The following SP100 variants were observed in gnomAD, a reference collection of about 807,000 sequenced individuals.
SP100 encodes the protein nuclear autoantigen Sp-100.
SP100 carries 84 observed loss-of-function variants against 130.0 expected under a neutral mutation model. The observed-to-expected ratio is 0.65, with a 90% CI of 0.54 to 0.77. The LOEUF (loss-of-function observed/expected upper bound fraction) is 0.77, where lower values mean the gene tolerates loss of function less well. Among genes scored for constraint, SP100 ranks in the 30% least tolerant of loss-of-function variants. The pLI is 0.00. For missense variants in SP100, 978 were observed against 1,052.2 expected (o/e 0.93, Z 0.97); for synonymous variants, 331 against 351.7 (o/e 0.94, Z 0.66).
rs756846216 is a variant in SP100 at position 230,450,278 on chromosome 2, A to G, written c.820+23A>G. 1.8e-5 allele frequency: 28 copies of G among 1,572,014 alleles called. 1 individual carries two copies. The Admixed American group carries it at 3.9e-4, about 22-fold the overall frequency. On this transcript the variant is annotated intron_variant, in intron 8 of 28. Coordinates refer to ENST00000340126, the MANE Select transcript of SP100 (RefSeq NM_001080391.2). ...AAAGTAATTATTGCTTACCTTGCCT[A>G]TTTTCTTTCCTTTCTTATTCAGATG...
intron 3 of SP100, 142 bp from the exon 4 acceptor site, chr2:230,444,036 C>G (rs1261385532): frequency 3.2e-6 from 2 of 628,946 alleles, no homozygotes; most frequent in South Asian, 3.0e-5. Flanking sequence ...ACTGGCTATA[C>G]AAATAAGTAA....
chr2:230,428,343 G>A (rs934557978), intron 2 of SP100, among the ~76,000 whole-genome samples: 1 of 152,186 alleles, frequency 6.6e-6, no homozygotes, highest in Non-Finnish European at 1.5e-5. Flanking sequence ...TGGCTGGGGA[G>A]GCCTCAGAAA....
intron 17 of SP100, among the ~76,000 whole-genome samples, chr2:230,476,440 C>T (rs1042104018): frequency 2.6e-5 from 4 of 152,084 alleles, no homozygotes; most frequent in African/African-American, 9.7e-5. Context: ...TTTTTCTACT[C>T]CTTTCATAAG....
intron 24 of SP100, among the ~76,000 whole-genome samples, chr2:230,534,202 T>C (rs1433102221): frequency 6.6e-6 from 1 of 152,152 alleles, no homozygotes; most frequent in Non-Finnish European, 1.5e-5. Context: ...GGTCAGGAGA[T>C]TGAGACCATC....
At chr2:230,459,190 C>T (rs936726976) in intron 8 of SP100, among the ~76,000 whole-genome samples, 4 of 151,798 alleles carry the variant, frequency 2.6e-5, no homozygotes, top group African/African-American at 9.7e-5. Flanking sequence ...GAGGGAGGCA[C>T]AAAGAGAAGT....
chr2:230,439,160 A>G (rs1289441140), intron 2 of SP100, among the ~76,000 whole-genome samples: 1 of 152,050 alleles, frequency 6.6e-6, no homozygotes, highest in Non-Finnish European at 1.5e-5. Flanking sequence ...TCTTTTGAGA[A>G]TTGTCTATTC....
At position 230,542,911 on chromosome 2, in the gene SP100, C is replaced by A; in HGVS notation, c.2623C>A (p.Gln875Lys). The A allele has an allele frequency of 6.2e-7, 1 of 1,607,724 alleles. No homozygotes were observed. The highest frequency in any genetic ancestry group is 8.5e-7 in the Non-Finnish European group (1 of 1,174,300). ...GAATTTCAGAAACATTTTTGCAATT[C>A]AGGAAACAAGCAAGAACATTATAAT... ...EKNFRNIFAI[Q>K]ETSKNIIMFI is the part of the protein sequence containing the mutation. Residue 875 changes from glutamine to lysine, a missense_variant, in exon 29 of 29, where the codon CAG becomes AAG. Transcript: ENST00000340126.
chr2:230,422,883 G>A (rs976770538), intron 2 of SP100, among the ~76,000 whole-genome samples: 4 of 151,972 alleles, frequency 2.6e-5, no homozygotes, highest in Non-Finnish European at 5.9e-5. Context: ...TTTTGTTGTG[G>A]GATTTTACCT....
At chr2:230,535,855 C>T (rs1691911839) in intron 24 of SP100, among the ~76,000 whole-genome samples, 1 of 121,028 alleles carries the variant, frequency 8.3e-6, no homozygotes, top group Non-Finnish European at 1.6e-5. Flanking sequence ...TGCAGGGAGC[C>T]AAGATCATGC....
At chr2:230,450,002 G>A (rs1575628014) in intron 7 of SP100, among the ~76,000 whole-genome samples, 170 bp from the exon 8 acceptor site, 1 of 152,210 alleles carries the variant, frequency 6.6e-6, no homozygotes, top group Non-Finnish European at 1.5e-5. Context: ...GTAAGAGAGA[G>A]ATTGGACAGG....
intron 24 of SP100, among the ~76,000 whole-genome samples, chr2:230,527,959 G>A (rs944269215): frequency 3.3e-5 from 5 of 152,162 alleles, no homozygotes; most frequent in Non-Finnish European, 2.9e-5. Flanking sequence ...AAGAGACTGA[G>A]ACTCCCACAC....
At chr2:230,537,833 A>G (rs1692006685) in intron 24 of SP100, 1 of 152,256 alleles carries the variant, frequency 6.6e-6, no homozygotes, top group South Asian at 2.1e-4. Context: ...AGTGCAATAC[A>G]GTTCGATCAC....
chr2:230,481,263 C>T (rs2065821370), intron 17 of SP100, among the ~76,000 whole-genome samples: 1 of 152,130 alleles, frequency 6.6e-6, no homozygotes, highest in Non-Finnish European at 1.5e-5. Context: ...CAACTTCTTA[C>T]TCCAAACTTC....
chr2:230,504,839 A>G (rs1036431220), intron 21 of SP100, among the ~76,000 whole-genome samples: 2 of 152,236 alleles, frequency 1.3e-5, no homozygotes, highest in Admixed American at 6.5e-5. Flanking sequence ...TCTGAAAATA[A>G]TACATCAGGA....
intron 5 of SP100, 55 bp downstream of exon 5, chr2:230,446,957 C>A: frequency 9.7e-7 from 1 of 1,032,566 alleles, no homozygotes; most frequent in Non-Finnish European, 1.5e-6. Flanking sequence ...ATCCAAGGTT[C>A]TGAGTGGAGA....
intron 8 of SP100, 70 bp downstream of exon 8, chr2:230,450,325 T>C (rs1273676280): frequency 5.9e-6 from 7 of 1,192,528 alleles, no homozygotes; most frequent in Non-Finnish European, 8.6e-6. Context: ...GTTGGTTGGT[T>C]GGTTGGTTGT....
chr2:230,484,335 T>C (rs187393221), intron 17 of SP100, among the ~76,000 whole-genome samples: 7 of 152,376 alleles, frequency 4.6e-5, no homozygotes, highest in Admixed American at 4.6e-4. Flanking sequence ...AGGGTTCACA[T>C]AAATTTGAAC....
chr2:230,525,489 G>A lies in SP100; in HGVS notation c.2095-13778G>A, dbSNP rs1350830170. Among the ~76,000 whole-genome samples, 5 of 152,246 alleles carry A rather than the reference G, an allele frequency of 3.3e-5. No individual in the cohort carries two copies. The East Asian group carries it at 5.8e-4, about 18-fold the overall frequency. On this transcript the variant is annotated intron_variant, in intron 24 of 28. Coordinates refer to ENST00000340126, the MANE Select transcript of SP100 (RefSeq NM_001080391.2). ...AGAGCTCCGGTCTGCAGCTCCCAGCGAGACTGAAGAAGAAGACAGGCGATT... is the reference window on the plus strand; with the variant it reads ...AGAGCTCCGGTCTGCAGCTCCCAGCAAGACTGAAGAAGAAGACAGGCGATT...
chr2:230,452,659 A>G (rs2064055159), intron 8 of SP100, among the ~76,000 whole-genome samples: 1 of 151,884 alleles, frequency 6.6e-6, no homozygotes, highest in African/African-American at 2.4e-5. Flanking sequence ...TCCTTAGTTA[A>G]ATTTATTCTT....
Sources: gnomAD v4.1 joint callset for allele counts (sites outside exome capture counted in the v4.1 genomes callset) on GRCh38, gnomAD v4.1.1 for gene constraint, MANE v1.5 for transcripts, NCBI Gene and HGNC (gene_info 2026-07-23, HGNC 2026-07-21) for gene names.